The following CLSTN2 variants were observed in gnomAD, a reference collection of about 807,000 sequenced individuals.
CLSTN2 encodes the protein calsyntenin-2.
A neutral mutation model predicts 101.2 loss-of-function variants in CLSTN2; 48 were observed. That is an observed-to-expected ratio of 0.47 (90% CI 0.38 to 0.60). CLSTN2 has a LOEUF of 0.60. CLSTN2 is among the 20% of genes least tolerant of loss of function. CLSTN2 has a pLI of 0.00. For missense variants in CLSTN2, 1,160 were observed against 1,238.2 expected (o/e 0.94, Z 0.95); for synonymous variants, 481 against 463.6 (o/e 1.04, Z -0.48).
chr3:140,544,354 C>T (rs929799140), intron 9 of CLSTN2, among the ~76,000 whole-genome samples: 1 of 152,146 alleles, frequency 6.6e-6, no homozygotes, highest in Non-Finnish European at 1.5e-5. Context: ...CACAGAGTGA[C>T]AAGAGTAAGC....
At chr3:140,239,165 A>G (rs2086439288) in intron 2 of CLSTN2, among the ~76,000 whole-genome samples, 1 of 152,172 alleles carries the variant, frequency 6.6e-6, no homozygotes, top group South Asian at 2.1e-4. Flanking sequence ...CTGTGAGGAG[A>G]CAGGACAGAG....
At chr3:140,270,722 A>G (rs189805195) in intron 2 of CLSTN2, among the ~76,000 whole-genome samples, 11 of 152,336 alleles carry the variant, frequency 7.2e-5, no homozygotes, top group African/African-American at 2.6e-4. Flanking sequence ...GGCAAGTGCC[A>G]CAAGGACACT....
chr3:140,451,398 G>A (rs533200676), intron 6 of CLSTN2, among the ~76,000 whole-genome samples: 36 of 152,270 alleles, frequency 2.4e-4, no homozygotes, highest in African/African-American at 4.1e-4. Flanking sequence ...CAGCAAGGCC[G>A]TTTCCCCCAA....
At chr3:140,012,940 A>G (rs1434955828) in intron 1 of CLSTN2, among the ~76,000 whole-genome samples, 1 of 26,200 alleles carries the variant, frequency 3.8e-5, no homozygotes, top group East Asian at 4.5e-4. Flanking sequence ...ACACAGAGAC[A>G]TGAGTGGCTG....
chr3:140,012,543 A>G (rs1203912990), intron 1 of CLSTN2, among the ~76,000 whole-genome samples: 1 of 152,120 alleles, frequency 6.6e-6, no homozygotes, highest in Non-Finnish European at 1.5e-5. Context: ...GCAGGGAAGA[A>G]GGGGCAAAGG....
At chr3:140,147,228 A>G (rs940333670) in intron 1 of CLSTN2, among the ~76,000 whole-genome samples, 18 of 152,234 alleles carry the variant, frequency 1.2e-4, no homozygotes, top group Admixed American at 7.8e-4. Flanking sequence ...GGAAATCAGG[A>G]AGAGCATCCC....
At chr3:140,242,516 C>A (rs1488417069) in intron 2 of CLSTN2, among the ~76,000 whole-genome samples, 1 of 152,092 alleles carries the variant, frequency 6.6e-6, no homozygotes, top group Non-Finnish European at 1.5e-5. Context: ...GTTCAGCCTC[C>A]CAGAGCCCAA....
intron 1 of CLSTN2, among the ~76,000 whole-genome samples, chr3:140,105,121 T>C (rs1026438327): frequency 2.6e-5 from 4 of 152,252 alleles, no homozygotes; most frequent in Non-Finnish European, 5.9e-5. Flanking sequence ...CAGGTAAGAA[T>C]TGTGAGAGAG....
At chr3:140,034,787 A>G (rs766249071) in intron 1 of CLSTN2, among the ~76,000 whole-genome samples, 8 of 152,240 alleles carry the variant, frequency 5.3e-5, no homozygotes, top group Non-Finnish European at 1.0e-4. Flanking sequence ...TAAGTCAAAT[A>G]GACCTAGATA....
intron 2 of CLSTN2, among the ~76,000 whole-genome samples, chr3:140,244,464 G>A (rs971818368): frequency 2.0e-5 from 3 of 152,160 alleles, no homozygotes; most frequent in Non-Finnish European, 4.4e-5. Flanking sequence ...TTTGTGGGAA[G>A]GGTCCCTGTC....
At chr3:140,376,056 C>T (rs2087914093) in intron 2 of CLSTN2, among the ~76,000 whole-genome samples, 1 of 152,230 alleles carries the variant, frequency 6.6e-6, no homozygotes, top group South Asian at 2.1e-4. Context: ...CCCTGTGTCA[C>T]TCACTCTGGG....
In CLSTN2 at chr3:139,990,637, C is replaced by T. The variant is rs111722282; in HGVS notation, c.109+55154C>T. Among the ~76,000 whole-genome samples, 466 of 152,288 alleles carry T rather than the reference C, an allele frequency of 3.1e-3. 1 individual carries two copies. The highest frequency in any genetic ancestry group is 0.01 in the African/African-American group (433 of 41,554). ...TGCTTAATAAAGAGAAGGCTCACTACGGGGAGGTCCAAGGTAGAGACCCCA... is the reference window on the plus strand; with the variant it reads ...TGCTTAATAAAGAGAAGGCTCACTATGGGGAGGTCCAAGGTAGAGACCCCA... On this transcript the variant is annotated intron_variant, in intron 1 of 16. Coordinates refer to ENST00000458420, the MANE Select transcript of CLSTN2 (RefSeq NM_022131.3).
intron 2 of CLSTN2, among the ~76,000 whole-genome samples, chr3:140,240,149 T>TCTCTCTCTCTCC (rs1293326706): frequency 5.6e-5 from 1 of 17,886 alleles, no homozygotes; most frequent in Non-Finnish European, 3.3e-4. Flanking sequence ...TCTCTCTCTC[T>TCTCTCTCTCTCC]CTGTCTCTCT....
Position 140,535,530 on chromosome 3 carries a change from T to G in CLSTN2, c.1507+3044T>G, listed in dbSNP as rs544809234. 2.0e-3 allele frequency among the ~76,000 whole-genome samples: 312 copies of G among 152,322 alleles called. 3 individuals carry two copies. Among genetic ancestry groups the G allele is most frequent in the African/African-American group, 6.1e-3 (252 of 41,574 alleles). ...TGATGACAAGGGTGTTCACCAAGTA[T>G]TTTTGGTCCTTTTTCCAGATATACG... is the stretch of plus-strand genomic sequence containing the variant. On this transcript the variant is annotated intron_variant, in intron 9 of 16. Transcript: ENST00000458420.
intron 2 of CLSTN2, among the ~76,000 whole-genome samples, chr3:140,401,031 T>C (rs2107976809): frequency 6.6e-6 from 1 of 152,374 alleles, no homozygotes; most frequent in Non-Finnish European, 1.5e-5. Flanking sequence ...TATTTCCCTT[T>C]CTACCAGACT....
chr3:140,513,584 T>TTTC (rs1934858131), intron 8 of CLSTN2, among the ~76,000 whole-genome samples: 1 of 3,680 alleles, frequency 2.7e-4, no homozygotes, highest in Non-Finnish European at 1.2e-3. Context: ...TTTTTCTTTC[T>TTTC]TTTTTTTTTT....
chr3:140,564,941 C>G (rs887777999), intron 16 of CLSTN2, among the ~76,000 whole-genome samples: 20 of 152,170 alleles, frequency 1.3e-4, no homozygotes, highest in African/African-American at 4.8e-4. Context: ...ATGATTACCC[C>G]AGCCTGGTCC....
At chr3:140,213,949 G>C (rs1360021642) in intron 2 of CLSTN2, among the ~76,000 whole-genome samples, 1 of 152,106 alleles carries the variant, frequency 6.6e-6, no homozygotes, top group East Asian at 1.9e-4. Flanking sequence ...CCTTGTAGGA[G>C]GTTGAACACT....
At chr3:140,147,028 A>G (rs1051365201) in intron 1 of CLSTN2, among the ~76,000 whole-genome samples, 1 of 152,272 alleles carries the variant, frequency 6.6e-6, no homozygotes, top group African/African-American at 2.4e-5. Context: ...GAACAAATTA[A>G]TGATTGAATG....
Sources: allele counts gnomAD v4.1 joint callset (sites outside exome capture counted in the v4.1 genomes callset), GRCh38; gene constraint gnomAD v4.1.1; transcripts MANE v1.5; gene names NCBI Gene and HGNC (gene_info 2026-07-23, HGNC 2026-07-21).